OSBPL1A: variants seen among roughly 807,000 people sequenced by gnomAD.
The protein encoded by OSBPL1A is oxysterol-binding protein-related protein 1.
OSBPL1A carries 80 observed loss-of-function variants against 137.1 expected under a neutral mutation model. The ratio of observed to expected loss-of-function variants is 0.58; its 90% confidence interval spans 0.49 to 0.70. OSBPL1A has a LOEUF of 0.70. OSBPL1A is among the 30% of genes least tolerant of loss of function. OSBPL1A has a pLI of 0.00. For missense variants in OSBPL1A, 970 were observed against 1,129.4 expected (o/e 0.86, Z 2.02); for synonymous variants, 365 against 389.7 (o/e 0.94, Z 0.75).
chr18:24,272,113 G>C (rs1481015931), intron 15 of OSBPL1A: 22 of 983,452 alleles, frequency 2.2e-5, no homozygotes, highest in South Asian at 4.7e-5. Flanking sequence ...AAGCCTGCAC[G>C]GCCCTCCGAG....
intron 4 of OSBPL1A, among the ~76,000 whole-genome samples, chr18:24,349,377 G>T (rs2091399762): frequency 6.6e-6 from 1 of 152,122 alleles, no homozygotes; most frequent in Non-Finnish European, 1.5e-5. Flanking sequence ...TATCCTCAGA[G>T]AAGTGAGAAA....
chr18:24,351,626 G>A (rs895531792), intron 4 of OSBPL1A, among the ~76,000 whole-genome samples: 7 of 152,070 alleles, frequency 4.6e-5, no homozygotes, highest in African/African-American at 1.7e-4. Flanking sequence ...TGCAACCTCC[G>A]CCTCTCAGGT....
intron 17 of OSBPL1A, among the ~76,000 whole-genome samples, chr18:24,196,411 G>A (rs764764543): frequency 1.5e-4 from 23 of 152,250 alleles, no homozygotes; most frequent in African/African-American, 5.3e-4. Context: ...GCAATCAACT[G>A]CTCCTCTGTC....
At chr18:24,341,220 T>G (rs891807366) in intron 5 of OSBPL1A, among the ~76,000 whole-genome samples, 3 of 152,194 alleles carry the variant, frequency 2.0e-5, no homozygotes, top group Non-Finnish European at 4.4e-5. Flanking sequence ...TTGCCCAGAC[T>G]AGTCTAGAAC....
intron 18 of OSBPL1A, among the ~76,000 whole-genome samples, chr18:24,183,437 T>G (rs1048661481): frequency 1.4e-5 from 2 of 147,442 alleles, no homozygotes; most frequent in Non-Finnish European, 3.0e-5. Flanking sequence ...TTCTTTTTCT[T>G]TTTTTTTTTT....
chr18:24,314,763 G>C (rs1166415609), intron 11 of OSBPL1A, among the ~76,000 whole-genome samples: 1 of 152,120 alleles, frequency 6.6e-6, no homozygotes, highest in Non-Finnish European at 1.5e-5. Flanking sequence ...AAGGAGAAAA[G>C]GGAAAGAGAG....
intron 7 of OSBPL1A, among the ~76,000 whole-genome samples, chr18:24,328,216 GTATTTTTTTT>G (rs1376746707): frequency 1.5e-4 from 7 of 47,574 alleles, no homozygotes; most frequent in Non-Finnish European, 2.7e-4. Flanking sequence ...CTAATTTTTT[GTATTTTTTTT>G]TTTTTTTTTT....
chr18:24,382,912 T>C (rs1007662308), intron 1 of OSBPL1A, among the ~76,000 whole-genome samples: 1 of 152,032 alleles, frequency 6.6e-6, no homozygotes, highest in Non-Finnish European at 1.5e-5. Flanking sequence ...AAAAAATGTT[T>C]AAATAATTTA....
chr18:24,257,621 G>A (rs1308608737), intron 15 of OSBPL1A, among the ~76,000 whole-genome samples: 3 of 151,994 alleles, frequency 2.0e-5, no homozygotes, highest in Non-Finnish European at 4.4e-5. Context: ...AGAAAAAATG[G>A]ACAAATGGAA....
chr18:24,336,907 T>C (rs1278988532), intron 5 of OSBPL1A, among the ~76,000 whole-genome samples: 1 of 152,186 alleles, frequency 6.6e-6, no homozygotes, highest in Non-Finnish European at 1.5e-5. Flanking sequence ...GAGTAGAAGT[T>C]TAGTGGTAAA....
chr18:24,171,590 T>C, intron 22 of OSBPL1A, 92 bp from the exon 23 acceptor site: 1 of 964,530 alleles, frequency 1.0e-6, no homozygotes, highest in East Asian at 2.4e-5. Context: ...CAGCAGCTAC[T>C]GTTTATGGAT....
chr18:24,340,430 T>C (rs879844220), intron 5 of OSBPL1A, among the ~76,000 whole-genome samples: 2 of 152,124 alleles, frequency 1.3e-5, no homozygotes, highest in Non-Finnish European at 2.9e-5. Flanking sequence ...CCTAGTACTT[T>C]TGGGAGGCCG....
intron 11 of OSBPL1A, among the ~76,000 whole-genome samples, chr18:24,315,844 T>C (rs2090722721): frequency 8.6e-6 from 1 of 116,902 alleles, no homozygotes; most frequent in South Asian, 2.3e-4. Flanking sequence ...ATATATTATA[T>C]AATAAAATAT....
intron 14 of OSBPL1A, among the ~76,000 whole-genome samples, chr18:24,284,136 G>A (rs77597105): frequency 0.074 from 11,269 of 152,010 alleles, 475 homozygotes; most frequent in East Asian, 0.16. Flanking sequence ...GAACCTTGCC[G>A]TATGCCACAC....
Sources: gnomAD v4.1 joint callset for allele counts (sites outside exome capture counted in the v4.1 genomes callset) on GRCh38, gnomAD v4.1.1 for gene constraint, MANE v1.5 for transcripts, NCBI Gene and HGNC (gene_info 2026-07-23, HGNC 2026-07-21) for gene names.